Variants in CPA6 observed in about 807,000 individuals in gnomAD.
The protein encoded by CPA6 is carboxypeptidase A6.
A neutral mutation model predicts 63.3 loss-of-function variants in CPA6; 58 were observed. The observed-to-expected ratio is 0.92, with a 90% CI of 0.74 to 1.14. CPA6 has a LOEUF of 1.14. CPA6 is among the 50% of genes most tolerant of loss of function. The pLI is 0.00. For missense variants in CPA6, 565 were observed against 526.6 expected (o/e 1.07, Z -0.71); for synonymous variants, 185 against 179.0 (o/e 1.03, Z -0.27).
chr8:67,596,033 C>G (rs530134943), intron 2 of CPA6, among the ~76,000 whole-genome samples: 1 of 152,190 alleles, frequency 6.6e-6, no homozygotes, highest in Non-Finnish European at 1.5e-5. Flanking sequence ...TTGGCTCCTC[C>G]CCCCAGTGTT....
chr8:67,648,553 G>A (rs892219036), intron 1 of CPA6, among the ~76,000 whole-genome samples: 2 of 152,160 alleles, frequency 1.3e-5, no homozygotes, highest in African/African-American at 4.8e-5. Flanking sequence ...TGGCAAGAAA[G>A]GCCCAGAAGG....
intron 8 of CPA6, among the ~76,000 whole-genome samples, chr8:67,479,651 A>G (rs1014009436): frequency 5.3e-5 from 8 of 152,226 alleles, no homozygotes; most frequent in African/African-American, 1.9e-4. Context: ...GCAATCCGCT[A>G]TAGGCATTTT....
chr8:67,709,843 G>A (rs1587718633), intron 1 of CPA6, among the ~76,000 whole-genome samples: 1 of 152,282 alleles, frequency 6.6e-6, no homozygotes, highest in Non-Finnish European at 1.5e-5. Flanking sequence ...CGGTGTGGTG[G>A]CTCACGCCTG....
At chr8:67,636,749 TA>T (rs970312756) in intron 1 of CPA6, among the ~76,000 whole-genome samples, 8 of 151,546 alleles carry the variant, frequency 5.3e-5, no homozygotes, top group East Asian at 3.9e-4. Flanking sequence ...TTCACTTACT[TA>T]AAAAAAATGT....
chr8:67,425,857 T>A (rs1809869837), intron 10 of CPA6, among the ~76,000 whole-genome samples: 1 of 151,974 alleles, frequency 6.6e-6, no homozygotes, highest in Admixed American at 6.6e-5. Flanking sequence ...AACAGTTACA[T>A]CACGGTGATG....
intron 2 of CPA6, among the ~76,000 whole-genome samples, chr8:67,560,242 CTAAT>C (rs1813175603): frequency 6.6e-6 from 1 of 150,846 alleles, no homozygotes; most frequent in Non-Finnish European, 1.5e-5. Flanking sequence ...GAGGAATACT[CTAAT>C]TACAAAAGGA....
intron 1 of CPA6, among the ~76,000 whole-genome samples, chr8:67,660,570 C>A (rs563222864): frequency 1.5e-5 from 2 of 135,720 alleles, no homozygotes; most frequent in East Asian, 4.4e-4. Flanking sequence ...AACTCCTGGG[C>A]TCAAGTGATG....
intron 8 of CPA6, among the ~76,000 whole-genome samples, chr8:67,456,319 G>A (rs2128956430): frequency 1.3e-5 from 2 of 152,230 alleles, no homozygotes; most frequent in South Asian, 4.1e-4. Context: ...CTCTCAAATT[G>A]GCTTCTCTTT....
At position 67,693,760 on chromosome 8, in the gene CPA6, AG is replaced by A. The variant is rs781200942; in HGVS notation, c.116+52253del. On this transcript the variant is annotated intron_variant, in intron 1 of 10. Coordinates refer to ENST00000297770, the MANE Select transcript of CPA6 (RefSeq NM_020361.5). ...ATACTTTCCAGCCTCCAGAACTGTG[AG>A]AGTTAGAGTTCTGTTGTTTAAAGAT... Among the ~76,000 whole-genome samples the A allele has an allele frequency of 2.6e-5, 4 of 152,318 alleles. No individual in the cohort carries two copies. The South Asian group carries it at 8.3e-4, about 32-fold the overall frequency.
At chr8:67,488,767 A>G (rs951192638) in intron 6 of CPA6, among the ~76,000 whole-genome samples, 8 of 152,198 alleles carry the variant, frequency 5.3e-5, no homozygotes, top group Admixed American at 1.3e-4. Flanking sequence ...GAGGTCCTTC[A>G]CATCCCTTGT....
At chr8:67,731,070 ATAGT>A (rs1223035862) in intron 1 of CPA6, among the ~76,000 whole-genome samples, 2 of 152,108 alleles carry the variant, frequency 1.3e-5, no homozygotes, top group African/African-American at 4.8e-5. Flanking sequence ...TAATTTGGGG[ATAGT>A]TGGTTGAATC....
At chr8:67,461,703 C>A (rs1404181602) in intron 8 of CPA6, among the ~76,000 whole-genome samples, 1 of 151,852 alleles carries the variant, frequency 6.6e-6, no homozygotes, top group Non-Finnish European at 1.5e-5. Flanking sequence ...GACCCCCCCA[C>A]TTCCCTCCCG....
intron 1 of CPA6, among the ~76,000 whole-genome samples, chr8:67,738,086 T>C (rs1817848042): frequency 6.6e-6 from 1 of 151,682 alleles, no homozygotes; most frequent in Non-Finnish European, 1.5e-5. Context: ...TTTGGAGATA[T>C]TGTTATTTCA....
intron 1 of CPA6, among the ~76,000 whole-genome samples, chr8:67,713,116 T>C (rs1817305686): frequency 8.0e-6 from 1 of 125,000 alleles, no homozygotes. Context: ...TATATATATA[T>C]ATATATATAT....
Position 67,486,871 on chromosome 8 carries a change from AT to A in CPA6, c.637-2083del, listed in dbSNP as rs200244030. Among the ~76,000 whole-genome samples the A allele has an allele frequency of 5.4e-3, 773 of 143,694 alleles. 6 individuals carry two copies. Among genetic ancestry groups the A allele is most frequent in the South Asian group, 0.021 (96 of 4,570 alleles). The allele number at this position is 143,694 out of a possible 152,430, so 94.3% of individuals were successfully genotyped here. On this transcript the variant is annotated intron_variant, in intron 6 of 10. Transcript: ENST00000297770. The stretch of plus-strand genomic sequence containing the variant: ...ACATTTTGTTGTTGTTGACTTAACA[AT>A]TTTTTTTTTTTTTGGAGACGTCTTG...
At chr8:67,592,774 C>G (rs1587609789) in intron 2 of CPA6, among the ~76,000 whole-genome samples, 1 of 152,026 alleles carries the variant, frequency 6.6e-6, no homozygotes, top group Non-Finnish European at 1.5e-5. Context: ...TGATTCTTCT[C>G]TTTTTTCTTT....
chr8:67,679,642 G>T (rs1816550323), intron 1 of CPA6, among the ~76,000 whole-genome samples: 1 of 152,140 alleles, frequency 6.6e-6, no homozygotes, highest in Non-Finnish European at 1.5e-5. Flanking sequence ...ATCCCCAGGG[G>T]TATCCATAGC....
intron 1 of CPA6, among the ~76,000 whole-genome samples, chr8:67,663,904 T>C (rs1178223471): frequency 6.6e-6 from 1 of 152,148 alleles, no homozygotes; most frequent in Non-Finnish European, 1.5e-5. Flanking sequence ...ATTCTTGCTA[T>C]CTAGGTGGAA....
intron 8 of CPA6, among the ~76,000 whole-genome samples, chr8:67,468,132 A>C (rs1810971862): frequency 6.6e-6 from 1 of 152,078 alleles, no homozygotes; most frequent in Non-Finnish European, 1.5e-5. Flanking sequence ...AAACATTTCC[A>C]CTAAAATACC....
Sources: allele counts gnomAD v4.1 joint callset (sites outside exome capture counted in the v4.1 genomes callset), GRCh38; gene constraint gnomAD v4.1.1; transcripts MANE v1.5; gene names NCBI Gene and HGNC (gene_info 2026-07-23, HGNC 2026-07-21).